ITPR1: variants seen among roughly 807,000 people sequenced by gnomAD.
The protein encoded by ITPR1 is inositol 1,4,5-trisphosphate receptor type 1.
In ITPR1, 96 loss-of-function variants were observed where a neutral mutation model predicts 318.4. That is an observed-to-expected ratio of 0.30 (90% confidence interval 0.26 to 0.36). ITPR1 has a LOEUF of 0.36. Among genes scored for constraint, ITPR1 ranks in the 10% least tolerant of loss-of-function variants. The pLI, the probability that ITPR1 is intolerant of heterozygous loss-of-function variation, is 1.00. For synonymous variants in ITPR1, 1,312 were observed against 1,289.9 expected (o/e 1.02, Z -0.37); for missense variants, 2,440 against 3,460.2 (o/e 0.71, Z 7.40).
chr3:4,658,902 G>C (rs2093771240), intron 13 of ITPR1, among the ~76,000 whole-genome samples: 1 of 152,118 alleles, frequency 6.6e-6, no homozygotes, highest in Non-Finnish European at 1.5e-5. Context: ...CTGCATGCTA[G>C]ACACAAAGCT....
At chr3:4,776,244 A>AT (rs1034667579) in intron 47 of ITPR1, among the ~76,000 whole-genome samples, 4 of 151,846 alleles carry the variant, frequency 2.6e-5, no homozygotes, top group Middle Eastern at 3.4e-3. Flanking sequence ...TAATTTTTGT[A>AT]TTTTTTTAGT....
chr3:4,808,162 AG>A (rs2048711094), intron 55 of ITPR1, among the ~76,000 whole-genome samples: 1 of 152,226 alleles, frequency 6.6e-6, no homozygotes, highest in African/African-American at 2.4e-5. Context: ...AGCACATTAC[AG>A]GGACAGCCGT....
At chr3:4,517,428 C>T (rs2082250072) in intron 3 of ITPR1, among the ~76,000 whole-genome samples, 3 of 152,162 alleles carry the variant, frequency 2.0e-5, no homozygotes, top group Admixed American at 2.0e-4. Context: ...TCTCCAAGAA[C>T]CTCATTTTTA....
intron 39 of ITPR1, among the ~76,000 whole-genome samples, chr3:4,712,852 A>G (rs1428498112): frequency 6.6e-6 from 1 of 152,236 alleles, no homozygotes; most frequent in Non-Finnish European, 1.5e-5. Flanking sequence ...ACGGGGCATA[A>G]TCTGTAAGCA....
chr3:4,617,790 C>A (rs1368339145), intron 4 of ITPR1, among the ~76,000 whole-genome samples: 1 of 151,316 alleles, frequency 6.6e-6, no homozygotes, highest in Non-Finnish European at 1.5e-5. Flanking sequence ...TTAAGACCAG[C>A]CTGGGCAACA....
chr3:4,790,139 T>C (rs2047461334), intron 52 of ITPR1, among the ~76,000 whole-genome samples: 1 of 152,216 alleles, frequency 6.6e-6, no homozygotes, highest in African/African-American at 2.4e-5. Flanking sequence ...TCTGGTGAGA[T>C]GAGATATCTC....
intron 12 of ITPR1, among the ~76,000 whole-genome samples, chr3:4,656,753 C>G (rs1016156680): frequency 6.6e-6 from 1 of 152,182 alleles, no homozygotes; most frequent in Non-Finnish European, 1.5e-5. Flanking sequence ...TCTCCTTCCT[C>G]TCTGTCTGGA....
intron 35 of ITPR1, 99 bp downstream of exon 35, chr3:4,700,040 T>A (rs2094620952): frequency 9.6e-7 from 1 of 1,042,720 alleles, no homozygotes; most frequent in East Asian, 2.4e-5. Context: ...TGAACTGGTC[T>A]GCAAGGCATT....
At chr3:4,815,009 G>A (rs1304761933) in intron 58 of ITPR1, 44 bp from the exon 59 acceptor site, 7 of 1,534,684 alleles carry the variant, frequency 4.6e-6, no homozygotes, top group African/African-American at 4.1e-5. Context: ...CAGACCAAAG[G>A]GTCGCAAGGG....
chr3:4,802,145 A>G (rs905636168), intron 54 of ITPR1, among the ~76,000 whole-genome samples: 4 of 152,234 alleles, frequency 2.6e-5, no homozygotes, highest in Admixed American at 6.5e-5. Flanking sequence ...GAAAGGTTTC[A>G]TTACTGCAGG....
At chr3:4,541,759 G>A (rs1048281874) in intron 4 of ITPR1, among the ~76,000 whole-genome samples, 1 of 151,970 alleles carries the variant, frequency 6.6e-6, no homozygotes, top group Non-Finnish European at 1.5e-5. Context: ...CCGAGTAGCT[G>A]GGACTACCAG....
At chr3:4,700,669 G>T (rs17041228) in intron 35 of ITPR1, among the ~76,000 whole-genome samples, 5,689 of 152,228 alleles carry the variant, frequency 0.037, 218 homozygotes, top group South Asian at 0.088. Flanking sequence ...GAGCCATCGT[G>T]TCCTTTTGCT....
rs865869118 is a variant in ITPR1, at chr3:4,768,616, C to T, written c.5831C>T (p.Pro1944Leu). The T allele has an allele frequency of 6.2e-7, 1 of 1,613,996 alleles. No individual in the cohort carries two copies. The highest frequency in any genetic ancestry group is 8.5e-7 in the Non-Finnish European group (1 of 1,179,888). The change falls in exon 46 of 62, where the codon CCC (proline) becomes CTC (leucine). Residue 1944 changes from proline (P) to leucine (L), a missense_variant. Pro to Leu is a moderately conservative substitution (Grantham distance 98). Around this residue, in one of 23 missense-constraint regions of ITPR1, gnomAD observed 113 missense variants for 103.6 expected, o/e 1.09. Coordinates refer to ENST00000649015, the MANE Select transcript of ITPR1 (RefSeq NM_001378452.1). Reference protein sequence around the residue: ...AFTTFRREADPDDHYQPGEGT... With the variant: ...AFTTFRREADLDDHYQPGEGT... Reference sequence around the variant, plus strand: ...ACCACTTTCAGGAGGGAGGCTGATCCCGACGACCACTACCAGCCTGGAGAG... The same window carrying T: ...ACCACTTTCAGGAGGGAGGCTGATCTCGACGACCACTACCAGCCTGGAGAG...
rs773030719 is a variant in ITPR1, at chr3:4,691,145, T to A, written c.3830T>A (p.Ile1277Asn). 2.6e-5 allele frequency: 42 copies of A among 1,605,010 alleles called. No homozygotes were observed. The Middle Eastern group carries it at 2.1e-3, about 82-fold the overall frequency. ...CTCTTTTCCTCACTCTTGTGCCAGA[T>A]CCTGGAGGCAGTAACCATGCAGCAC... The part of the protein sequence containing the change: ...KHINLFLNPG[I>N]LEAVTMQHIF... Residue 1277 changes from isoleucine (I) to asparagine (N), a missense_variant and splice_region_variant, in exon 32 of 62, where the codon ATC becomes AAC. Around this residue, in one of 23 missense-constraint regions of ITPR1, gnomAD observed 222 missense variants for 318.8 expected, o/e 0.70. Transcript: ENST00000649015.
intron 53 of ITPR1, 44 bp from the exon 54 acceptor site, chr3:4,800,381 G>C: frequency 6.3e-7 from 1 of 1,596,886 alleles, no homozygotes; most frequent in Non-Finnish European, 8.5e-7. Context: ...CCTGTACTCA[G>C]TGAAGGCACA....
intron 10 of ITPR1, among the ~76,000 whole-genome samples, chr3:4,646,505 A>G (rs763030442): frequency 5.3e-5 from 8 of 152,240 alleles, no homozygotes; most frequent in Non-Finnish European, 1.2e-4. Context: ...GGGAAATTAA[A>G]CAGAACTGTT....
intron 24 of ITPR1, among the ~76,000 whole-genome samples, 153 bp downstream of exon 24, chr3:4,676,954 C>T (rs115272198): frequency 3.9e-5 from 6 of 152,178 alleles, no homozygotes; most frequent in East Asian, 1.9e-4. Flanking sequence ...GAGCTGGCTC[C>T]TCTTAATCCC....
In ITPR1 at chr3:4,697,315, G is replaced by GGTGTGT. The variant is rs35795762; in HGVS notation, c.4407+76_4407+81dup. 0.15 allele frequency: 131,014 copies of GGTGTGT among 858,032 alleles called. 5,574 individuals are homozygous for GGTGTGT. Among genetic ancestry groups the GGTGTGT allele is most frequent in the Middle Eastern group, 0.18 (610 of 3,338 alleles). The allele number at this position is 858,032 out of a possible 1,614,324, so 53.2% of individuals were successfully genotyped here. Reference sequence around the variant, plus strand: ...GAGGAGGCAGAGTTGGAGAGTGAGAGGTGTGTGTGTGTGTGTGTGTGTGTG... The same window carrying GGTGTGT: ...GAGGAGGCAGAGTTGGAGAGTGAGAGGTGTGTGTGTGTGTGTGTGTGTGTGTGTGTG... On this transcript the variant is annotated intron_variant, in intron 34 of 61. Transcript: ENST00000649015.
chr3:4,845,681 A>C (rs2051714387), intron 61 of ITPR1, among the ~76,000 whole-genome samples: 1 of 152,112 alleles, frequency 6.6e-6, no homozygotes, highest in Non-Finnish European at 1.5e-5. Flanking sequence ...CCAACTACTC[A>C]AGAGTCATTG....
Sources: gnomAD v4.1 joint callset for allele counts (sites outside exome capture counted in the v4.1 genomes callset) on GRCh38, gnomAD v4.1.1 for gene constraint, gnomAD v4.1.1 regional missense constraint, MANE v1.5 for transcripts, NCBI Gene and HGNC (gene_info 2026-07-23, HGNC 2026-07-21) for gene names.